The following FARS2 variants were observed in gnomAD, a reference collection of about 807,000 sequenced individuals.
FARS2 encodes phenylalanyl-tRNA synthetase 2, mitochondrial.
Under a neutral mutation model 46.4 loss-of-function variants are expected in FARS2, and 40 were observed. That is an observed-to-expected ratio of 0.86 (90% CI 0.67 to 1.12). FARS2 has a LOEUF of 1.12. FARS2 is among the 50% of genes most tolerant of loss of function. The pLI, the probability that FARS2 is intolerant of heterozygous loss-of-function variation, is 0.00. For missense variants in FARS2, 513 were observed against 567.9 expected (o/e 0.90, Z 0.98); for synonymous variants, 234 against 214.9 (o/e 1.09, Z -0.78).
At chr6:5,509,403 A>T (rs766077258) in intron 4 of FARS2, among the ~76,000 whole-genome samples, 13 of 152,242 alleles carry the variant, frequency 8.5e-5, no homozygotes, top group Non-Finnish European at 1.3e-4. Flanking sequence ...CCTAGTTTAC[A>T]CCACGTAGCT....
chr6:5,275,524 A>G (rs940713259), intron 1 of FARS2, among the ~76,000 whole-genome samples: 2 of 152,204 alleles, frequency 1.3e-5, no homozygotes, highest in African/African-American at 2.4e-5. Flanking sequence ...CACTAGAGGC[A>G]TAGTGCCTAC....
intron 4 of FARS2, among the ~76,000 whole-genome samples, chr6:5,493,484 T>C (rs1314651465): frequency 6.6e-6 from 1 of 152,162 alleles, no homozygotes; most frequent in Non-Finnish European, 1.5e-5. Flanking sequence ...AGATGAAGAC[T>C]GCAGTGTATC....
intron 4 of FARS2, among the ~76,000 whole-genome samples, chr6:5,470,120 T>C (rs1017708142): frequency 1.3e-5 from 2 of 152,190 alleles, no homozygotes; most frequent in Non-Finnish European, 2.9e-5. Flanking sequence ...CCAAAAGGAG[T>C]TAATTTTTGA....
rs869067569 is a variant in FARS2 at position 5,341,188 on chromosome 6, GATATATATATATAT to G, written c.-21-27327_-21-27314del. Among the ~76,000 whole-genome samples, 172 of 34,130 alleles carry G rather than the reference GATATATATATATAT, an allele frequency of 5.0e-3. 4 individuals carry two copies. The highest frequency in any genetic ancestry group is 0.017 in the African/African-American group (150 of 8,780). 22.4% of individuals were successfully genotyped at this position (34,130 alleles called of 152,430 possible). A position where few individuals can be genotyped will look rare whatever the true frequency, so the allele number is the denominator to read the frequency against. ...TTTGCCTGCTCTGTGGCCATGGGGA[GATATATATATATAT>G]ATATATATATATATATATATATATA... is the stretch of plus-strand genomic sequence containing the variant. On this transcript the variant is annotated intron_variant, in intron 1 of 6. Transcript: ENST00000274680.
At chr6:5,675,765 T>G (rs1417087064) in intron 6 of FARS2, among the ~76,000 whole-genome samples, 1 of 152,236 alleles carries the variant, frequency 6.6e-6, no homozygotes, top group African/African-American at 2.4e-5. Flanking sequence ...AAAATAAACC[T>G]GGACAATTCA....
chr6:5,662,818 C>T (rs1179550545), intron 6 of FARS2, among the ~76,000 whole-genome samples: 1 of 152,108 alleles, frequency 6.6e-6, no homozygotes, highest in African/African-American at 2.4e-5. Context: ...CGTGTGTGAC[C>T]ATGGCAGGTT....
chr6:5,356,592 A>G (rs1002575682), intron 1 of FARS2, among the ~76,000 whole-genome samples: 4 of 152,208 alleles, frequency 2.6e-5, no homozygotes, highest in African/African-American at 9.7e-5. Context: ...AGCTTCATTT[A>G]GGTATGAGTG....
At chr6:5,568,086 G>A (rs1296403939) in intron 5 of FARS2, among the ~76,000 whole-genome samples, 1 of 152,240 alleles carries the variant, frequency 6.6e-6, no homozygotes, top group Non-Finnish European at 1.5e-5. Context: ...ACAGTGCAGA[G>A]TGCAAGCCCT....
In FARS2 at chr6:5,350,220, C is replaced by G. The variant is rs553509049; in HGVS notation, c.-21-18330C>G. Reference sequence around the variant, plus strand: ...TTGGGGTCTCACTATGTTGCCCAGGCTGATCTCAAACTCCTGGTCTCAAGC... The same window carrying G: ...TTGGGGTCTCACTATGTTGCCCAGGGTGATCTCAAACTCCTGGTCTCAAGC... On this transcript the variant is annotated intron_variant, in intron 1 of 6. Transcript: ENST00000274680. 1.1e-4 allele frequency among the ~76,000 whole-genome samples: 16 copies of G among 144,698 alleles called. No individual in the cohort carries two copies. The South Asian group carries it at 3.3e-3, about 30-fold the overall frequency. The allele number at this position is 144,698 out of a possible 152,430, so 94.9% of individuals were successfully genotyped here.
At chr6:5,536,528 C>A (rs1035527105) in intron 4 of FARS2, among the ~76,000 whole-genome samples, 3 of 152,050 alleles carry the variant, frequency 2.0e-5, no homozygotes, top group Non-Finnish European at 4.4e-5. Context: ...GTCAAGAATG[C>A]AGAATATTAA....
At chr6:5,595,854 G>A (rs9328320) in intron 5 of FARS2, among the ~76,000 whole-genome samples, 126,119 of 152,142 alleles carry the variant, frequency 0.83, 52,438 homozygotes, top group African/African-American at 0.89. Context: ...TTGGGCGATT[G>A]AGGAAACGCC....
intron 6 of FARS2, among the ~76,000 whole-genome samples, chr6:5,751,773 A>G (rs1015678052): frequency 8.5e-5 from 13 of 152,310 alleles, no homozygotes; most frequent in African/African-American, 2.9e-4. Flanking sequence ...TTCCTCCTTC[A>G]TGATAAGCCA....
intron 5 of FARS2, among the ~76,000 whole-genome samples, chr6:5,564,140 C>T (rs1772178454): frequency 6.6e-6 from 1 of 152,192 alleles, no homozygotes; most frequent in East Asian, 1.9e-4. Flanking sequence ...TCCAATATTT[C>T]AGTTAGAAGG....
At chr6:5,410,157 G>T (rs201853597) in intron 3 of FARS2, among the ~76,000 whole-genome samples, 10,293 of 136,122 alleles carry the variant, frequency 0.076, 447 homozygotes, top group African/African-American at 0.1. Flanking sequence ...GTGTTTTTTT[G>T]TTTTTTTTTT....
intron 4 of FARS2, among the ~76,000 whole-genome samples, chr6:5,472,915 C>G (rs1765884820): frequency 6.6e-6 from 1 of 152,086 alleles, no homozygotes; most frequent in South Asian, 2.1e-4. Context: ...AGCACACATT[C>G]AGTATATGTC....
intron 2 of FARS2, among the ~76,000 whole-genome samples, chr6:5,402,083 ATTC>A (rs920406062): frequency 3.4e-5 from 5 of 149,174 alleles, no homozygotes; most frequent in African/African-American, 5.0e-5. Context: ...TTTCTTTCTG[ATTC>A]TTCTTTCTTT....
chr6:5,440,919 C>CTTTTTTT (rs56965644), intron 4 of FARS2, among the ~76,000 whole-genome samples: 1 of 144,504 alleles, frequency 6.9e-6, no homozygotes. Flanking sequence ...CATTTTCTTT[C>CTTTTTTT]TTTTTTTTTT....
At chr6:5,448,275 C>T (rs1764288069) in intron 4 of FARS2, among the ~76,000 whole-genome samples, 1 of 152,156 alleles carries the variant, frequency 6.6e-6, no homozygotes, top group Admixed American at 6.5e-5. Flanking sequence ...AGGGAGTCCG[C>T]CTCTTCATGT....
intron 3 of FARS2, 118 bp from the exon 4 acceptor site, chr6:5,430,923 C>A: frequency 1.0e-6 from 1 of 996,638 alleles, no homozygotes; most frequent in African/African-American, 1.6e-5. Context: ...AGTTTATTTG[C>A]TATTTATTTT....
Sources: allele counts gnomAD v4.1 joint callset (sites outside exome capture counted in the v4.1 genomes callset), GRCh38; gene constraint gnomAD v4.1.1; transcripts MANE v1.5; gene names NCBI Gene and HGNC (gene_info 2026-07-23, HGNC 2026-07-21).